Variants in DLGAP2 observed in about 807,000 individuals in gnomAD.
DLGAP2 encodes DLG associated protein 2, also known as disks large-associated protein 2.
Under a neutral mutation model 100.3 loss-of-function variants are expected in DLGAP2, and 26 were observed. The ratio of observed to expected loss-of-function variants is 0.26; its 90% CI spans 0.19 to 0.36. The LOEUF (loss-of-function observed/expected upper bound fraction) is 0.36. Ranked by LOEUF, DLGAP2 falls within the 10% of genes least tolerant of loss-of-function variation. The pLI, the probability that DLGAP2 is intolerant of heterozygous loss-of-function variation, is 1.00. For missense variants in DLGAP2, 1,858 were observed against 1,453.2 expected (o/e 1.28, Z -4.53); for synonymous variants, 886 against 630.1 (o/e 1.41, Z -6.08).
chr8:754,552 G>A (rs1455544947), intron 1 of DLGAP2, among the ~76,000 whole-genome samples: 2 of 152,206 alleles, frequency 1.3e-5, no homozygotes, highest in African/African-American at 4.8e-5. Context: ...CACAGAATAG[G>A]GATTGAAAAG....
At chr8:802,967 A>G (rs1796201207) in intron 1 of DLGAP2, among the ~76,000 whole-genome samples, 1 of 152,128 alleles carries the variant, frequency 6.6e-6, no homozygotes, top group Non-Finnish European at 1.5e-5. Context: ...AGAGGTAGAG[A>G]ATGATTCCCG....
chr8:1,187,738 C>T (rs1460055140), intron 2 of DLGAP2, among the ~76,000 whole-genome samples: 1 of 145,800 alleles, frequency 6.9e-6, no homozygotes, highest in African/African-American at 2.7e-5. Flanking sequence ...ACGCCCGAGA[C>T]TTCCGTGACG....
chr8:1,364,412 G>A (rs1388127432), intron 3 of DLGAP2, among the ~76,000 whole-genome samples: 2 of 151,948 alleles, frequency 1.3e-5, no homozygotes, highest in East Asian at 1.9e-4. Context: ...GCAGGCCTGG[G>A]GGCCTCCTCC....
At chr8:1,684,075 A>G (rs187384541) in intron 12 of DLGAP2, among the ~76,000 whole-genome samples, 3 of 141,550 alleles carry the variant, frequency 2.1e-5, no homozygotes, top group Non-Finnish European at 1.6e-5. Flanking sequence ...TCTGCCTCCC[A>G]AGTTCAAGCA....
At chr8:1,117,355 A>G (rs917486509) in intron 2 of DLGAP2, among the ~76,000 whole-genome samples, 1 of 152,242 alleles carries the variant, frequency 6.6e-6, no homozygotes, top group African/African-American at 2.4e-5. Flanking sequence ...GTGACGATGC[A>G]CGGTCTTCTT....
intron 3 of DLGAP2, among the ~76,000 whole-genome samples, chr8:1,272,698 C>T (rs1457028996): frequency 6.6e-6 from 1 of 152,022 alleles, no homozygotes; most frequent in Non-Finnish European, 1.5e-5. Flanking sequence ...TATGGGAAGG[C>T]CAGGCCTGAG....
intron 3 of DLGAP2, among the ~76,000 whole-genome samples, chr8:1,337,953 C>T (rs988822251): frequency 5.3e-5 from 8 of 152,174 alleles, no homozygotes; most frequent in African/African-American, 1.9e-4. Context: ...CATCATGAGT[C>T]GTTACAAAAA....
intron 2 of DLGAP2, among the ~76,000 whole-genome samples, chr8:1,108,658 G>C (rs1804854103): frequency 6.7e-6 from 1 of 148,314 alleles, no homozygotes; most frequent in Admixed American, 6.7e-5. Flanking sequence ...AAGTGTGCTG[G>C]GTCTGTGAGG....
intron 3 of DLGAP2, among the ~76,000 whole-genome samples, chr8:1,328,588 T>C (rs1027449382): frequency 3.9e-5 from 6 of 152,298 alleles, no homozygotes; most frequent in African/African-American, 1.4e-4. Context: ...TGACCTCAGG[T>C]GATCTGCCCG....
intron 1 of DLGAP2, among the ~76,000 whole-genome samples, chr8:891,830 G>T (rs1798041809): frequency 6.6e-6 from 1 of 152,200 alleles, no homozygotes; most frequent in Admixed American, 6.5e-5. Context: ...TACAAAGCCT[G>T]CATCCCAGCC....
chr8:1,302,648 C>G (rs1044758314), intron 3 of DLGAP2: 1 of 152,286 alleles, frequency 6.6e-6, no homozygotes. Flanking sequence ...GGACTGGACT[C>G]AGCATTTTAC....
chr8:1,667,349 T>G (rs1309027213), intron 8 of DLGAP2, among the ~76,000 whole-genome samples: 1 of 152,192 alleles, frequency 6.6e-6, no homozygotes, highest in Non-Finnish European at 1.5e-5. Context: ...TTTGGTGGCC[T>G]GTCCAGCTGT....
intron 3 of DLGAP2, chr8:1,381,306 G>A (rs952369341): frequency 5.3e-5 from 8 of 152,134 alleles, no homozygotes; most frequent in Non-Finnish European, 1.0e-4. Context: ...ATTAATACTA[G>A]CCAATGTTAG....
At chr8:1,488,107 G>C (rs1298421790) in intron 3 of DLGAP2, among the ~76,000 whole-genome samples, 1 of 152,142 alleles carries the variant, frequency 6.6e-6, no homozygotes, top group Non-Finnish European at 1.5e-5. Context: ...AGGATTTCTT[G>C]ACAAGCCCAC....
At chr8:1,697,434 ATGTG>A in intron 14 of DLGAP2, 135 bp downstream of exon 14, 1 of 1,219,638 alleles carries the variant, frequency 8.2e-7, no homozygotes. Flanking sequence ...CCCTCTATGT[ATGTG>A]TGCACATGTG....
chr8:1,682,151 T>C (rs1299735645), intron 12 of DLGAP2, among the ~76,000 whole-genome samples: 1 of 152,212 alleles, frequency 6.6e-6, no homozygotes, highest in East Asian at 1.9e-4. Context: ...CTTCACCTCA[T>C]TCTGGTCCTC....
chr8:1,489,962 G>A (rs936054432), intron 3 of DLGAP2, among the ~76,000 whole-genome samples: 2 of 152,078 alleles, frequency 1.3e-5, no homozygotes, highest in African/African-American at 4.8e-5. Flanking sequence ...CACAATCTTG[G>A]CTCACTGCAA....
At chr8:1,038,013 G>C (rs925227857) in intron 2 of DLGAP2, among the ~76,000 whole-genome samples, 6 of 152,238 alleles carry the variant, frequency 3.9e-5, no homozygotes, top group Admixed American at 3.9e-4. Context: ...GTAACTAGAG[G>C]CTGGGAGAGC....
At chr8:1,675,271 G>T (rs1232396788) in intron 10 of DLGAP2, among the ~76,000 whole-genome samples, 1 of 152,208 alleles carries the variant, frequency 6.6e-6, no homozygotes, top group African/African-American at 2.4e-5. Context: ...CGGCTCTGGG[G>T]TCAGAGAGAT....
Sources: allele counts gnomAD v4.1 joint callset (sites outside exome capture counted in the v4.1 genomes callset), GRCh38; gene constraint gnomAD v4.1.1; transcripts MANE v1.5; gene names NCBI Gene and HGNC (gene_info 2026-07-23, HGNC 2026-07-21).